The following AUTS2 variants were observed in gnomAD, a reference collection of about 807,000 sequenced individuals.
AUTS2 encodes activator of transcription and developmental regulator AUTS2.
AUTS2 carries 17 observed loss-of-function variants against 112.4 expected under a neutral mutation model. The ratio of observed to expected loss-of-function variants is 0.15; its 90% CI spans 0.10 to 0.23. The LOEUF is 0.23. Ranked by LOEUF, AUTS2 falls within the 10% of genes least tolerant of loss-of-function variation. The pLI is 1.00. For synonymous variants in AUTS2, 751 were observed against 702.7 expected, an observed-to-expected ratio of 1.07 and a Z score of -1.09; for missense variants, 1,510 against 1,701.6, an observed-to-expected ratio of 0.89 and a Z score of 1.98.
At chr7:70,704,520 CTTG>C (rs1809633998) in intron 6 of AUTS2, among the ~76,000 whole-genome samples, 1 of 152,216 alleles carries the variant, frequency 6.6e-6, no homozygotes, top group Non-Finnish European at 1.5e-5. Flanking sequence ...GACCAAAAAG[CTTG>C]AATGTTCATC....
chr7:69,710,562 A>G (rs911112628), intron 1 of AUTS2, among the ~76,000 whole-genome samples: 13 of 152,200 alleles, frequency 8.5e-5, no homozygotes, highest in Admixed American at 4.6e-4. Flanking sequence ...CAAGAAAGCT[A>G]AAGTTAGAGA....
At chr7:70,563,028 G>C (rs1315141524) in intron 5 of AUTS2, among the ~76,000 whole-genome samples, 2 of 152,144 alleles carry the variant, frequency 1.3e-5, no homozygotes, top group African/African-American at 4.8e-5. Flanking sequence ...GGTAGAGCTA[G>C]GAAAAGTGGG....
intron 4 of AUTS2, among the ~76,000 whole-genome samples, chr7:70,147,789 C>T (rs1807210103): frequency 6.6e-6 from 1 of 152,012 alleles, no homozygotes; most frequent in Admixed American, 6.6e-5. Flanking sequence ...GAAAGCCAAA[C>T]CCAAGAATCA....
chr7:69,730,097 C>T (rs141127735), intron 1 of AUTS2, among the ~76,000 whole-genome samples: 137 of 149,368 alleles, frequency 9.2e-4, no homozygotes, highest in African/African-American at 3.1e-3. Flanking sequence ...CCACCTCAGC[C>T]GCCTGTGTAG....
At chr7:70,496,273 ACAT>A (rs1252314561) in intron 5 of AUTS2, among the ~76,000 whole-genome samples, 1 of 139,338 alleles carries the variant, frequency 7.2e-6, no homozygotes, top group Non-Finnish European at 1.5e-5. Flanking sequence ...TGCACACGTC[ACAT>A]CAGCGTCGAT....
At chr7:70,240,505 C>G (rs1812555224) in intron 4 of AUTS2, among the ~76,000 whole-genome samples, 1 of 152,162 alleles carries the variant, frequency 6.6e-6, no homozygotes, top group Non-Finnish European at 1.5e-5. Flanking sequence ...CCTAGGGACT[C>G]TTGCTATGCT....
At chr7:70,503,848 A>AG (rs1273087220) in intron 5 of AUTS2, among the ~76,000 whole-genome samples, 1 of 151,308 alleles carries the variant, frequency 6.6e-6, no homozygotes, top group Non-Finnish European at 1.5e-5. Context: ...TAAGGAAAAA[A>AG]AAAAAAAGAA....
chr7:69,714,237 A>ATGTGTGTATGTGTGTGTGTG (rs1491574283), intron 1 of AUTS2, among the ~76,000 whole-genome samples: 1 of 89,902 alleles, frequency 1.1e-5, no homozygotes. Flanking sequence ...CTAATTGTGC[A>ATGTGTGTATGTGTGTGTGTG]TGTGTGTGTA....
At chr7:69,909,927 T>A (rs1293547410) in intron 2 of AUTS2, among the ~76,000 whole-genome samples, 1 of 152,174 alleles carries the variant, frequency 6.6e-6, no homozygotes, top group Non-Finnish European at 1.5e-5. Context: ...CTTTTGATTT[T>A]AAAAAATACT....
intron 2 of AUTS2, among the ~76,000 whole-genome samples, chr7:69,928,482 A>C (rs1158650267): frequency 2.6e-5 from 4 of 152,168 alleles, no homozygotes; most frequent in Admixed American, 2.0e-4. Flanking sequence ...GCAGGCCTAT[A>C]CTGAGCTGCC....
At chr7:70,289,485 CAG>C (rs1209915794) in intron 4 of AUTS2, among the ~76,000 whole-genome samples, 1 of 152,148 alleles carries the variant, frequency 6.6e-6, no homozygotes. Flanking sequence ...CTACCTGAAA[CAG>C]AAACATAAGA....
chr7:70,452,175 T>C (rs777690223), intron 5 of AUTS2, among the ~76,000 whole-genome samples: 11 of 152,178 alleles, frequency 7.2e-5, no homozygotes, highest in Non-Finnish European at 1.2e-4. Context: ...ATACCTAGAA[T>C]TATATGGCCC....
intron 1 of AUTS2, among the ~76,000 whole-genome samples, chr7:69,845,596 G>A (rs1295640566): frequency 6.6e-6 from 1 of 152,154 alleles, no homozygotes; most frequent in Admixed American, 6.5e-5. Flanking sequence ...AAATAAATCA[G>A]GAAAAGGAAA....
At chr7:69,972,667 GTGCA>G (rs34127574) in intron 2 of AUTS2, among the ~76,000 whole-genome samples, 19,051 of 144,026 alleles carry the variant, frequency 0.13, 1,282 homozygotes, top group African/African-American at 0.19. Context: ...GTGTGTGTGC[GTGCA>G]TGTGTGTGTG....
At chr7:70,183,605 G>A (rs370834526) in intron 4 of AUTS2, among the ~76,000 whole-genome samples, 1 of 152,144 alleles carries the variant, frequency 6.6e-6, no homozygotes, top group Non-Finnish European at 1.5e-5. Context: ...GTGTGCAGAC[G>A]CTAACCACGG....
intron 5 of AUTS2, among the ~76,000 whole-genome samples, chr7:70,576,341 G>T (rs1193762609): frequency 2.0e-5 from 3 of 152,178 alleles, no homozygotes; most frequent in African/African-American, 7.2e-5. Context: ...TGCCCCTGCT[G>T]AGCTGTGTTT....
At chr7:70,183,327 C>T (rs1809421926) in intron 4 of AUTS2, among the ~76,000 whole-genome samples, 1 of 152,208 alleles carries the variant, frequency 6.6e-6, no homozygotes, top group Non-Finnish European at 1.5e-5. Flanking sequence ...TGATTAATCA[C>T]CAGACCTTTG....
intron 5 of AUTS2, among the ~76,000 whole-genome samples, chr7:70,487,800 A>G (rs1370308192): frequency 5.9e-5 from 9 of 152,194 alleles, no homozygotes; most frequent in Non-Finnish European, 1.0e-4. Flanking sequence ...CTAAGGATAA[A>G]TCGGTGAGGA....
At chr7:70,583,084 C>T (rs959288939) in intron 5 of AUTS2, among the ~76,000 whole-genome samples, 3 of 152,220 alleles carry the variant, frequency 2.0e-5, no homozygotes, top group East Asian at 3.8e-4. Flanking sequence ...TAAACCAGCT[C>T]GCTCAGACCT....
Sources: gnomAD v4.1 joint callset for allele counts (sites outside exome capture counted in the v4.1 genomes callset) on GRCh38, gnomAD v4.1.1 for gene constraint, MANE v1.5 for transcripts, NCBI Gene and HGNC (gene_info 2026-07-23, HGNC 2026-07-21) for gene names.